HSF2BP: variants seen among roughly 807,000 people sequenced by gnomAD.
The protein encoded by HSF2BP is heat shock transcription factor 2 binding protein.
A neutral mutation model predicts 35.0 loss-of-function variants in HSF2BP; 35 were observed. The observed-to-expected ratio is 1.00, with a 90% CI of 0.76 to 1.32. HSF2BP has a LOEUF of 1.32. Among genes scored for constraint, HSF2BP ranks in the 40% most tolerant of loss-of-function variants. HSF2BP has a pLI of 0.00. For missense variants in HSF2BP, 326 were observed against 321.7 expected, an observed-to-expected ratio of 1.01 and a Z score of -0.10; for synonymous variants, 114 against 117.4, an observed-to-expected ratio of 0.97 and a Z score of 0.18.
chr21:43,575,844 C>T (rs372558395), intron 8 of HSF2BP, among the ~76,000 whole-genome samples: 1 of 152,180 alleles, frequency 6.6e-6, no homozygotes, highest in East Asian at 1.9e-4. Context: ...GTCGGCCAGG[C>T]GCAGTGGCTC....
At chr21:43,621,002 G>C (rs1230284890) in intron 6 of HSF2BP, among the ~76,000 whole-genome samples, 1 of 152,136 alleles carries the variant, frequency 6.6e-6, no homozygotes, top group Non-Finnish European at 1.5e-5. Context: ...ATAAGGGGTA[G>C]AAAGCTTATT....
chr21:43,645,683 G>A (rs2147088336), intron 3 of HSF2BP, among the ~76,000 whole-genome samples: 1 of 152,282 alleles, frequency 6.6e-6, no homozygotes, highest in African/African-American at 2.4e-5. Flanking sequence ...GCCTCAAAGA[G>A]CCAGGCGCCT....
chr21:43,578,714 C>T (rs547626109), intron 8 of HSF2BP, among the ~76,000 whole-genome samples: 3 of 152,270 alleles, frequency 2.0e-5, no homozygotes, highest in Admixed American at 6.5e-5. Context: ...GTCCTACAGC[C>T]CCACAGAATG....
intron 6 of HSF2BP, among the ~76,000 whole-genome samples, chr21:43,626,262 C>T (rs1007964707): frequency 6.7e-4 from 102 of 151,926 alleles, no homozygotes; most frequent in African/African-American, 2.4e-3. Context: ...AAGAATAACA[C>T]CAAAAGAAAA....
chr21:43,573,544 C>T (rs1271272962), intron 8 of HSF2BP, among the ~76,000 whole-genome samples: 1 of 152,228 alleles, frequency 6.6e-6, no homozygotes, highest in African/African-American at 2.4e-5. Flanking sequence ...CTTCAGAAGG[C>T]CAGACCAAAA....
chr21:43,652,354 G>A (rs141933107), intron 3 of HSF2BP, among the ~76,000 whole-genome samples: 1 of 134,376 alleles, frequency 7.4e-6, no homozygotes, highest in East Asian at 2.4e-4. Flanking sequence ...AGTGAGCTGA[G>A]ATCACACCAC....
chr21:43,653,378 G>A (rs547472535), intron 3 of HSF2BP, among the ~76,000 whole-genome samples: 1 of 152,068 alleles, frequency 6.6e-6, no homozygotes, highest in South Asian at 2.1e-4. Context: ...CAAAATCAGG[G>A]GCCGAGATAA....
chr21:43,604,324 C>CCA (rs777015460), intron 7 of HSF2BP, among the ~76,000 whole-genome samples: 11 of 135,644 alleles, frequency 8.1e-5, no homozygotes, highest in South Asian at 2.4e-4. Flanking sequence ...CACAAACACA[C>CCA]CACACACACA....
chr21:43,620,294 G>A (rs947900970), intron 6 of HSF2BP, among the ~76,000 whole-genome samples: 3 of 152,196 alleles, frequency 2.0e-5, no homozygotes, highest in African/African-American at 7.2e-5. Flanking sequence ...TGAGCTCTCT[G>A]ACCAAGAATT....
chr21:43,646,543 A>G (rs1464397295), intron 3 of HSF2BP, among the ~76,000 whole-genome samples: 1 of 152,232 alleles, frequency 6.6e-6, no homozygotes, highest in Non-Finnish European at 1.5e-5. Flanking sequence ...TTACTCAAAC[A>G]TGGTAAAAGA....
chr21:43,601,462 A>G (rs1331235479), intron 7 of HSF2BP, among the ~76,000 whole-genome samples: 1 of 152,092 alleles, frequency 6.6e-6, no homozygotes, highest in Non-Finnish European at 1.5e-5. Flanking sequence ...TCTTTTGCCT[A>G]TTTGTGTATT....
At chr21:43,495,976 C>T in the HSF2BP span, among the ~76,000 whole-genome samples, 8 of 119,528 alleles carry the variant, frequency 6.7e-5, no homozygotes, top group Admixed American at 6.6e-4. Context: ...AGCACCCAGG[C>T]CAGCCAGCTG....
At chr21:43,575,151 T>C (rs1455674474) in intron 8 of HSF2BP, among the ~76,000 whole-genome samples, 1 of 152,224 alleles carries the variant, frequency 6.6e-6, no homozygotes, top group Non-Finnish European at 1.5e-5. Context: ...GATTTGGAAT[T>C]CCTCAAATGT....
At chr21:43,591,306 A>G (rs1378079) in intron 8 of HSF2BP, among the ~76,000 whole-genome samples, 90,713 of 151,988 alleles carry the variant, frequency 0.6, 27,482 homozygotes, top group East Asian at 0.79. Context: ...TCATAGCTGC[A>G]GTGTCTTTCC....
intron 3 of HSF2BP, among the ~76,000 whole-genome samples, chr21:43,649,927 T>A (rs1031276716): frequency 7.2e-5 from 11 of 152,236 alleles, no homozygotes; most frequent in Non-Finnish European, 1.0e-4. Context: ...AGTGTCTTCA[T>A]GTTGCTAGGT....
intron 3 of HSF2BP, among the ~76,000 whole-genome samples, chr21:43,653,525 T>G (rs1257800633): frequency 6.6e-6 from 1 of 152,230 alleles, no homozygotes; most frequent in Non-Finnish European, 1.5e-5. Flanking sequence ...GTAGTCAGAT[T>G]AGGCAGTGAC....
chr21:43,627,252 G>A (rs1002759143), intron 6 of HSF2BP, among the ~76,000 whole-genome samples: 2 of 152,128 alleles, frequency 1.3e-5, no homozygotes, highest in Admixed American at 6.5e-5. Context: ...AACTCTCAGG[G>A]AAAGGTTTAC....
At chr21:43,653,900 G>A (rs549684404) in intron 3 of HSF2BP, among the ~76,000 whole-genome samples, 1 of 152,246 alleles carries the variant, frequency 6.6e-6, no homozygotes, top group East Asian at 1.9e-4. Flanking sequence ...AAGAGAGACA[G>A]GTAACAAGGA....
At chr21:43,612,754 C>T (rs2082224392) in intron 7 of HSF2BP, among the ~76,000 whole-genome samples, 1 of 151,902 alleles carries the variant, frequency 6.6e-6, no homozygotes, top group Admixed American at 6.6e-5. Flanking sequence ...ATTTGAACGC[C>T]TAGGAGTTTG....
Sources: allele counts gnomAD v4.1 joint callset (sites outside exome capture counted in the v4.1 genomes callset), GRCh38; gene constraint gnomAD v4.1.1; transcripts MANE v1.5; gene names NCBI Gene and HGNC (gene_info 2026-07-23, HGNC 2026-07-21).